Variants in VCPIP1 observed in about 807,000 individuals in gnomAD.
The protein encoded by VCPIP1 is valosin containing protein interacting protein 1.
VCPIP1 carries 8 observed loss-of-function variants against 85.0 expected under a neutral mutation model. The observed-to-expected ratio is 0.09, with a 90% confidence interval of 0.06 to 0.17. VCPIP1 has a LOEUF of 0.17. Among genes scored for constraint, VCPIP1 ranks in the 10% least tolerant of loss-of-function variants. The pLI is 1.00. For synonymous variants in VCPIP1, 543 were observed against 544.5 expected, an observed-to-expected ratio of 1.00 and a Z score of 0.04; for missense variants, 1,070 against 1,486.3, an observed-to-expected ratio of 0.72 and a Z score of 4.61.
At position 66,666,588 on chromosome 8, in the gene VCPIP1, T is replaced by C; in HGVS notation, c.371A>G (p.Asn124Ser). The change falls in exon 1 of 3, where the codon AAC becomes AGC. Residue 124 changes from asparagine to serine, a missense_variant. Physicochemically the swap from Asn to Ser is conservative, Grantham distance 46. Around this residue, in one of 8 missense-constraint regions of VCPIP1, gnomAD observed 118 missense variants for 337.1 expected, o/e 0.35. Coordinates refer to ENST00000310421, the MANE Select transcript of VCPIP1 (RefSeq NM_025054.5). This position sits in a 1 kb window ranked among gnomAD's most constrained non-coding sequence, Gnocchi z 6.3. ...GGGCGACAACAATTTGCAGTGATAG[T>C]TGGAAAGGCCCATCACCTTTACCAG... is the stretch of plus-strand genomic sequence containing the variant. ...TELVKVMGLSNYHCKLLSPIL... is the reference protein window; with the variant it reads ...TELVKVMGLSSYHCKLLSPIL... 1.2e-6 allele frequency: 2 copies of C among 1,614,142 alleles called. No individual in the cohort carries two copies. Among genetic ancestry groups the C allele is most frequent in the Non-Finnish European group, 8.5e-7 (1 of 1,180,008 alleles).
In VCPIP1 at chr8:66,665,381, C is replaced by G. The variant is rs756648406; in HGVS notation, c.1578G>C (p.Leu526=). The G allele has an allele frequency of 1.9e-6, 3 of 1,614,200 alleles. No individual in the cohort carries two copies. In the East Asian group the frequency reaches 6.7e-5, roughly 36 times the overall value. Residue 526 remains leucine (L), a synonymous_variant, in exon 1 of 3, where the codon CTG becomes CTC. Coordinates refer to ENST00000310421, the MANE Select transcript of VCPIP1 (RefSeq NM_025054.5). The surrounding 1 kb of genome is among the most constrained non-coding windows in gnomAD (Gnocchi z 4.3). The stretch of plus-strand genomic sequence containing the variant: ...GGTTACTCATTCCATAGTCTGGTAC[C>G]AGAACATCTTTCACTGAATCATATG... ...VCSYDSVKDV[L]VPDYGMSNLT... is the part of the protein sequence containing the mutation.
Position 66,664,328 on chromosome 8 carries a change from A to G in VCPIP1, c.2631T>C (p.Thr877=). ...GAAGTTCCTTAGATGACAGTTTACC[A>G]GTAACAGCAATATCTTCTTGTTTCA... ...HTVKQEDIAV[T]GKLSSKELQE... Residue 877 remains threonine (T), a synonymous_variant, in exon 1 of 3, where the codon ACT becomes ACC. Transcript: ENST00000310421. The G allele has an allele frequency of 6.2e-7, 1 of 1,611,614 alleles. No homozygotes were observed. The highest frequency in any genetic ancestry group is 8.5e-7 in the Non-Finnish European group (1 of 1,177,940).
chr8:66,661,368 C>G (rs1405473131), intron 1 of VCPIP1, among the ~76,000 whole-genome samples: 1 of 152,142 alleles, frequency 6.6e-6, no homozygotes, highest in Non-Finnish European at 1.5e-5. Flanking sequence ...CTCAGATATT[C>G]AGGTCCAAGA....
In VCPIP1 at chr8:66,644,073, C is replaced by T. The variant is rs532453910; in HGVS notation, c.2797+7385G>A. Among the ~76,000 whole-genome samples the T allele has an allele frequency of 1.5e-4, 23 of 152,092 alleles. 1 individual carries two copies. The highest frequency in any genetic ancestry group is 5.5e-4 in the African/African-American group (23 of 41,546). ...CTAACAAAGCTTACTCAAGAAGAAACAGATAATTTTAAAAGTACTCTATTA... is the reference window on the plus strand; with the variant it reads ...CTAACAAAGCTTACTCAAGAAGAAATAGATAATTTTAAAAGTACTCTATTA... On this transcript the variant is annotated intron_variant, in intron 2 of 2. Transcript: ENST00000310421.
In VCPIP1 at chr8:66,634,026, T is replaced by C. The variant is rs906487849; in HGVS notation, c.*475A>G. ...CATTCCACTGTCTAATAAATAATTGTATGAATTTTAAGATACAATTTAGTT... is the reference window on the plus strand; with the variant it reads ...CATTCCACTGTCTAATAAATAATTGCATGAATTTTAAGATACAATTTAGTT... On this transcript the variant is annotated 3_prime_UTR_variant, in exon 3 of 3. Coordinates refer to ENST00000310421, the MANE Select transcript of VCPIP1 (RefSeq NM_025054.5). 6 of 152,824 alleles carry C rather than the reference T, an allele frequency of 3.9e-5. No homozygotes were observed. Among genetic ancestry groups the C allele is most frequent in the African/African-American group, 1.4e-4 (6 of 41,468 alleles). 9.5% of individuals were successfully genotyped at this position (152,824 alleles called of 1,614,324 possible). A position where few individuals can be genotyped will look rare whatever the true frequency, so the allele number is the denominator to read the frequency against.
At position 66,634,301 on chromosome 8, in the gene VCPIP1, G is replaced by A. The variant is rs1484011985; in HGVS notation, c.*200C>T. ...CAGCAGATCTAACAGCTAATTTATAGAAATTCAGAGCCAGCCTGGGCAGCA... is the reference window on the plus strand; with the variant it reads ...CAGCAGATCTAACAGCTAATTTATAAAAATTCAGAGCCAGCCTGGGCAGCA... On this transcript the variant is annotated 3_prime_UTR_variant, in exon 3 of 3. Transcript: ENST00000310421. 32 of 475,152 alleles carry A rather than the reference G, an allele frequency of 6.7e-5. No individual in the cohort carries two copies. Among genetic ancestry groups the A allele is most frequent in the Non-Finnish European group, 1.1e-4 (31 of 287,506 alleles). The allele number at this position is 475,152 out of a possible 1,614,324, so 29.4% of individuals were successfully genotyped here. A position where few individuals can be genotyped will look rare whatever the true frequency, so the allele number is the denominator to read the frequency against.
rs1810838015 is a variant in VCPIP1 at position 66,631,969 on chromosome 8, A to C, written c.*2532T>G. On this transcript the variant is annotated 3_prime_UTR_variant, in exon 3 of 3. Transcript: ENST00000310421. ...GGTATGATTAACTATAAAATGGATTACTGAAGAAAAAATTTACAACTTTAT... is the reference window on the plus strand; with the variant it reads ...GGTATGATTAACTATAAAATGGATTCCTGAAGAAAAAATTTACAACTTTAT... 6.6e-6 allele frequency: 1 copy of C among 152,432 alleles called. No individual in the cohort carries two copies. Among genetic ancestry groups the C allele is most frequent in the Non-Finnish European group, 1.5e-5 (1 of 67,904 alleles). The allele number at this position is 152,432 out of a possible 1,614,324, so 9.4% of individuals were successfully genotyped here. A position where few individuals can be genotyped will look rare whatever the true frequency, so the allele number is the denominator to read the frequency against.
intron 1 of VCPIP1, among the ~76,000 whole-genome samples, chr8:66,656,280 G>T (rs902795851): frequency 6.6e-6 from 1 of 151,888 alleles, no homozygotes; most frequent in South Asian, 2.1e-4. Flanking sequence ...CCGCAGCCTT[G>T]ATCTCCTGAA....
intron 2 of VCPIP1, among the ~76,000 whole-genome samples, chr8:66,645,425 TAAAAC>T (rs1810985569): frequency 6.6e-6 from 1 of 151,420 alleles, no homozygotes; most frequent in South Asian, 2.1e-4. Flanking sequence ...TCTCAAAAAA[TAAAAC>T]AAAAGAAAAA....
intron 1 of VCPIP1, among the ~76,000 whole-genome samples, chr8:66,654,498 C>A (rs1046462030): frequency 6.6e-6 from 1 of 152,100 alleles, no homozygotes; most frequent in African/African-American, 2.4e-5. Flanking sequence ...AGTTGTGTTT[C>A]GGCAAATTTG....
In VCPIP1 at chr8:66,632,227, A is replaced by C. The variant is rs994361594; in HGVS notation, c.*2274T>G. 3.9e-5 allele frequency: 6 copies of C among 152,076 alleles called. No homozygotes were observed. The highest frequency in any genetic ancestry group is 8.8e-5 in the Non-Finnish European group (6 of 67,944). The allele number at this position is 152,076 out of a possible 1,614,324, so 9.4% of individuals were successfully genotyped here. A position where few individuals can be genotyped will look rare whatever the true frequency, so the allele number is the denominator to read the frequency against. On this transcript the variant is annotated 3_prime_UTR_variant, in exon 3 of 3. Transcript: ENST00000310421. ...CAAAGGATGATATTTAAAAACTTAAAAGAAACCCTATTCTAAAACTTCTTT... is the reference window on the plus strand; with the variant it reads ...CAAAGGATGATATTTAAAAACTTAACAGAAACCCTATTCTAAAACTTCTTT...
Position 66,664,850 on chromosome 8 carries a change from G to A in VCPIP1, c.2109C>T (p.His703=), listed in dbSNP as rs760998467. 1.2e-6 allele frequency: 2 copies of A among 1,614,012 alleles called. No homozygotes were observed. Among genetic ancestry groups the A allele is most frequent in the South Asian group, 2.2e-5 (2 of 91,072 alleles). Residue 703 remains histidine, a synonymous_variant, in exon 1 of 3, where the codon CAC becomes CAT. Transcript: ENST00000310421. Reference sequence around the variant, plus strand: ...TTTTACTCATGTTTAACTCCTCCTTGTGCAAAGTTTTTGTTTTCTGTCCAG... The same window carrying A: ...TTTTACTCATGTTTAACTCCTCCTTATGCAAAGTTTTTGTTTTCTGTCCAG... ...ILTGQKTKTL[H]KEELNMSKTE... is the part of the protein sequence containing the mutation.
rs375199738 is a variant in VCPIP1, at chr8:66,644,345, C to A, written c.2797+7113G>T. Among the ~76,000 whole-genome samples the A allele has an allele frequency of 2.0e-5, 3 of 152,090 alleles. No individual in the cohort carries two copies. The East Asian group carries it at 5.8e-4, about 29-fold the overall frequency. On this transcript the variant is annotated intron_variant, in intron 2 of 2. Transcript: ENST00000310421. Reference sequence around the variant, plus strand: ...ACAAAAACACTCAACAAAATATTAGCAAATTAAATCCAGCAAGTAAAGTTC... The same window carrying A: ...ACAAAAACACTCAACAAAATATTAGAAAATTAAATCCAGCAAGTAAAGTTC...
rs1293785968 is a variant in VCPIP1, at chr8:66,664,152, C to G, written c.2710+97G>C. On this transcript the variant is annotated intron_variant, in intron 1 of 2. Coordinates refer to ENST00000310421, the MANE Select transcript of VCPIP1 (RefSeq NM_025054.5). ...CCTGAAATATATAATTAAAAACTTA[C>G]AATGGCTACAGATTTCTTTTCCCCC... is the stretch of plus-strand genomic sequence containing the variant. 7.3e-6 allele frequency: 10 copies of G among 1,363,020 alleles called. No individual in the cohort carries two copies. The East Asian group carries it at 2.6e-4, about 35-fold the overall frequency. The allele number at this position is 1,363,020 out of a possible 1,614,324, so 84.4% of individuals were successfully genotyped here.
intron 1 of VCPIP1, among the ~76,000 whole-genome samples, chr8:66,663,792 G>A (rs1358462451): frequency 6.6e-6 from 1 of 152,158 alleles, no homozygotes; most frequent in Non-Finnish European, 1.5e-5. Context: ...AAATGTAAGA[G>A]ACTACTAGGT....
chr8:66,655,057 T>C (rs151294622), intron 1 of VCPIP1, among the ~76,000 whole-genome samples: 1 of 152,344 alleles, frequency 6.6e-6, no homozygotes, highest in East Asian at 1.9e-4. Context: ...TCCTTTAGGA[T>C]TCTTTGGAGT....
intron 2 of VCPIP1, among the ~76,000 whole-genome samples, chr8:66,638,962 C>CTATATATATA (rs1305562313): frequency 7.5e-6 from 1 of 133,264 alleles, no homozygotes; most frequent in African/African-American, 3.5e-5. Flanking sequence ...CTCTCTCTCT[C>CTATATATATA]TCTCTCTCTA....
intron 2 of VCPIP1, among the ~76,000 whole-genome samples, chr8:66,647,384 T>TAAAA (rs1811007826): frequency 6.6e-6 from 1 of 150,986 alleles, no homozygotes; most frequent in South Asian, 2.1e-4. Context: ...AATAAATAAA[T>TAAAA]AAAAATAATA....
At chr8:66,640,368 C>T (rs1256587295) in intron 2 of VCPIP1, among the ~76,000 whole-genome samples, 1 of 152,200 alleles carries the variant, frequency 6.6e-6, no homozygotes, top group Non-Finnish European at 1.5e-5. Context: ...ATCATACCCA[C>T]TTTACAAATA....
Sources: allele counts gnomAD v4.1 joint callset (sites outside exome capture counted in the v4.1 genomes callset), GRCh38; gene constraint gnomAD v4.1.1; regional missense constraint gnomAD v4.1.1; non-coding constraint Gnocchi (gnomAD v3.1); transcripts MANE v1.5; gene names NCBI Gene and HGNC (gene_info 2026-07-23, HGNC 2026-07-21).